The following FSTL5 variants were observed in gnomAD, a reference collection of about 807,000 sequenced individuals.
FSTL5 encodes the protein follistatin like 5.
A neutral mutation model predicts 89.1 loss-of-function variants in FSTL5; 62 were observed. The ratio of observed to expected loss-of-function variants is 0.70; its 90% confidence interval spans 0.57 to 0.86. FSTL5 has a LOEUF of 0.86. Ranked by LOEUF, FSTL5 falls within the 40% of genes least tolerant of loss-of-function variation. The probability of loss-of-function intolerance (pLI) is 0.00; values close to 1 mark genes in which losing one functional copy is unlikely to be tolerated. For missense variants in FSTL5, 1,057 were observed against 1,001.6 expected (o/e 1.06, Z -0.75); for synonymous variants, 383 against 346.2 (o/e 1.11, Z -1.18).
At chr4:161,453,142 G>A (rs368300417) in intron 15 of FSTL5, among the ~76,000 whole-genome samples, 3 of 151,812 alleles carry the variant, frequency 2.0e-5, no homozygotes, top group African/African-American at 7.3e-5. Flanking sequence ...CATATTATAG[G>A]GTGAAACCAC....
At chr4:161,835,053 T>C (rs1579127590) in intron 4 of FSTL5, among the ~76,000 whole-genome samples, 1 of 145,316 alleles carries the variant, frequency 6.9e-6, no homozygotes, top group Admixed American at 6.8e-5. Flanking sequence ...CTTCAAACTA[T>C]ACTATAAGGC....
intron 4 of FSTL5, among the ~76,000 whole-genome samples, chr4:161,891,903 T>G (rs568245995): frequency 6.6e-6 from 1 of 152,188 alleles, no homozygotes; most frequent in African/African-American, 2.4e-5. Flanking sequence ...ACTCATTTTC[T>G]TCACAACTAT....
In FSTL5 at chr4:161,805,012, C is replaced by T. The variant is rs150327666; in HGVS notation, c.410-28938G>A. Among the ~76,000 whole-genome samples the T allele has an allele frequency of 9.6e-4, 146 of 152,170 alleles. 1 individual carries two copies. The East Asian group carries it at 0.023, about 24-fold the overall frequency. ...ACCTGCATTTAATGACCAGTGAATACAGCATGGAAAAATAAAGTCCTATGT... is the reference window on the plus strand; with the variant it reads ...ACCTGCATTTAATGACCAGTGAATATAGCATGGAAAAATAAAGTCCTATGT... On this transcript the variant is annotated intron_variant, in intron 4 of 15. Coordinates refer to ENST00000306100, the MANE Select transcript of FSTL5 (RefSeq NM_020116.5).
At chr4:161,461,848 T>G (rs1027415486) in intron 13 of FSTL5, among the ~76,000 whole-genome samples, 2 of 152,166 alleles carry the variant, frequency 1.3e-5, no homozygotes, top group Non-Finnish European at 2.9e-5. Flanking sequence ...AATAGCCTAT[T>G]TTGCATGCAG....
At chr4:161,561,423 A>G (rs968492956) in intron 8 of FSTL5, among the ~76,000 whole-genome samples, 3 of 152,118 alleles carry the variant, frequency 2.0e-5, no homozygotes, top group Admixed American at 6.6e-5. Context: ...AAGAGAGAGT[A>G]GATTAGTGAT....
At chr4:161,752,674 A>G (rs1740438907) in intron 6 of FSTL5, among the ~76,000 whole-genome samples, 1 of 152,134 alleles carries the variant, frequency 6.6e-6, no homozygotes, top group Non-Finnish European at 1.5e-5. Context: ...CCTGCTTTGG[A>G]CACCACCTGT....
intron 4 of FSTL5, among the ~76,000 whole-genome samples, chr4:161,832,156 G>A (rs949064410): frequency 6.6e-6 from 1 of 152,006 alleles, no homozygotes; most frequent in Non-Finnish European, 1.5e-5. Context: ...TAAGACTTAA[G>A]GACCCTTCAA....
chr4:161,453,912 A>G (rs1733260160), intron 15 of FSTL5, among the ~76,000 whole-genome samples: 1 of 152,060 alleles, frequency 6.6e-6, no homozygotes, highest in African/African-American at 2.4e-5. Flanking sequence ...ATGTTATTTA[A>G]TCACTTTTTT....
intron 3 of FSTL5, among the ~76,000 whole-genome samples, chr4:161,972,110 T>C (rs1735501307): frequency 6.6e-6 from 1 of 152,150 alleles, no homozygotes; most frequent in Admixed American, 6.5e-5. Flanking sequence ...TTTTTCTTTT[T>C]TGAGGGAGTT....
At chr4:161,534,874 C>T (rs1432476904) in intron 10 of FSTL5, among the ~76,000 whole-genome samples, 1 of 151,930 alleles carries the variant, frequency 6.6e-6, no homozygotes, top group African/African-American at 2.4e-5. Flanking sequence ...TAAAAACAGA[C>T]ACATAGAGCA....
intron 6 of FSTL5, among the ~76,000 whole-genome samples, chr4:161,738,886 C>G (rs1412954049): frequency 1.3e-5 from 2 of 152,146 alleles, no homozygotes; most frequent in Non-Finnish European, 1.5e-5. Context: ...TGCACAATTT[C>G]TTAATTACAC....
At chr4:161,677,350 C>T (rs1737342186) in intron 6 of FSTL5, among the ~76,000 whole-genome samples, 1 of 151,814 alleles carries the variant, frequency 6.6e-6, no homozygotes, top group Non-Finnish European at 1.5e-5. Flanking sequence ...TAAAACAAAA[C>T]AGGAATAAAT....
At chr4:161,920,766 T>C (rs1408851258) in intron 3 of FSTL5, 114 bp from the exon 4 acceptor site, 1 of 991,686 alleles carries the variant, frequency 1.0e-6, no homozygotes, top group African/African-American at 1.6e-5. Context: ...GTATAGTGTA[T>C]TCAGGGCTCA....
At position 161,986,682 on chromosome 4, in the gene FSTL5, G is replaced by A. The variant is rs1237953810; in HGVS notation, c.160+46943C>T. ...AGTTTCTAGAATAGGATAACTGAAT[G>A]GAGAGTGGAGGCCAATTTTTTCACC... On this transcript the variant is annotated intron_variant, in intron 3 of 15. Transcript: ENST00000306100. 5.3e-5 allele frequency among the ~76,000 whole-genome samples: 8 copies of A among 152,270 alleles called. No homozygotes were observed. In the East Asian group the frequency reaches 9.7e-4, roughly 18 times the overall value.
intron 3 of FSTL5, among the ~76,000 whole-genome samples, chr4:162,020,883 A>T (rs879277745): frequency 2.6e-5 from 4 of 152,184 alleles, no homozygotes; most frequent in Non-Finnish European, 5.9e-5. Flanking sequence ...CCAAATAATT[A>T]TTGCATTATT....
intron 13 of FSTL5, among the ~76,000 whole-genome samples, chr4:161,474,009 G>C (rs1317530519): frequency 6.6e-6 from 1 of 152,056 alleles, no homozygotes; most frequent in African/African-American, 2.4e-5. Context: ...TCTTCTATAT[G>C]CCTTACAGAT....
chr4:162,003,474 TTAAA>T, intron 3 of FSTL5, among the ~76,000 whole-genome samples: 1 of 151,808 alleles, frequency 6.6e-6, no homozygotes, highest in Admixed American at 6.6e-5. Flanking sequence ...AAATAAATGC[TTAAA>T]TAAATAATGG....
At chr4:161,393,773 C>T in intron 15 of FSTL5, among the ~76,000 whole-genome samples, 1 of 152,132 alleles carries the variant, frequency 6.6e-6, no homozygotes, top group East Asian at 1.9e-4. Flanking sequence ...CAAATGTATG[C>T]TTCCTGAGGA....
intron 13 of FSTL5, among the ~76,000 whole-genome samples, chr4:161,474,794 C>T (rs1165302926): frequency 6.6e-6 from 1 of 152,100 alleles, no homozygotes. Flanking sequence ...ATCCACCCAC[C>T]TCAGCCTCCC....
Sources: allele counts gnomAD v4.1 joint callset (sites outside exome capture counted in the v4.1 genomes callset), GRCh38; gene constraint gnomAD v4.1.1; transcripts MANE v1.5; gene names NCBI Gene and HGNC (gene_info 2026-07-23, HGNC 2026-07-21).